Variants in MECOM observed in about 807,000 individuals in gnomAD.
MECOM encodes MDS1 and EVI1 complex locus.
Under a neutral mutation model 116.3 loss-of-function variants are expected in MECOM, and 13 were observed. The observed-to-expected ratio is 0.11, with a 90% CI of 0.07 to 0.18. MECOM has a LOEUF of 0.18. MECOM is among the 10% of genes least tolerant of loss of function. The probability of loss-of-function intolerance (pLI) is 1.00; values close to 1 mark genes in which losing one functional copy is unlikely to be tolerated. For missense variants in MECOM, 1,299 were observed against 1,509.0 expected, an observed-to-expected ratio of 0.86 and a Z score of 2.31; for synonymous variants, 528 against 535.2, an observed-to-expected ratio of 0.99 and a Z score of 0.19.
chr3:169,501,810 C>T (rs992191472), intron 1 of MECOM, among the ~76,000 whole-genome samples: 1 of 152,022 alleles, frequency 6.6e-6, no homozygotes, highest in African/African-American at 2.4e-5. Flanking sequence ...TGTTGGCTTC[C>T]AAAGCTATAC....
At chr3:169,453,460 G>T (rs931896377) in intron 1 of MECOM, among the ~76,000 whole-genome samples, 1 of 152,178 alleles carries the variant, frequency 6.6e-6, no homozygotes, top group Non-Finnish European at 1.5e-5. Flanking sequence ...CCTATCTCCC[G>T]CCACAGCCTT....
chr3:169,486,006 CTATA>C (rs200665668), intron 1 of MECOM, among the ~76,000 whole-genome samples: 10 of 108,546 alleles, frequency 9.2e-5, no homozygotes, highest in African/African-American at 2.8e-4. Context: ...TATATATATA[CTATA>C]TATATATGTA....
intron 2 of MECOM, among the ~76,000 whole-genome samples, chr3:169,175,040 T>C (rs886645915): frequency 9.9e-5 from 15 of 152,160 alleles, no homozygotes; most frequent in Non-Finnish European, 1.5e-4. Flanking sequence ...GAGTCTGAAA[T>C]TGGACAGAAC....
chr3:169,131,580 A>T, intron 3 of MECOM, 49 bp from the exon 4 acceptor site: 1 of 1,445,498 alleles, frequency 6.9e-7, no homozygotes. Context: ...AGAGAGATGT[A>T]TATATATTAA....
rs1457959202 is a variant in MECOM at position 169,378,465 on chromosome 3, GCAAGCAAGCAAGAA to G, written c.375+2708_375+2721del. On this transcript the variant is annotated intron_variant, in intron 2 of 16. Transcript: ENST00000651503. Reference sequence around the variant, plus strand: ...AGAAAGAAAGAAGGAAAGCAAGCAAGCAAGCAAGCAAGAAAGAGAGAGAGAAAGAAAGAAAGAAA... The same window carrying G: ...AGAAAGAAAGAAGGAAAGCAAGCAAGAGAGAGAGAGAAAGAAAGAAAGAAA... Among the ~76,000 whole-genome samples the G allele has an allele frequency of 3.2e-3, 200 of 62,224 alleles. 24 individuals are homozygous for G. Among genetic ancestry groups the G allele is most frequent in the African/African-American group, 0.019 (167 of 8,622 alleles). The allele number at this position is 62,224 out of a possible 152,430, so 40.8% of individuals were successfully genotyped here. A position where few individuals can be genotyped will look rare whatever the true frequency, so the allele number is the denominator to read the frequency against.
At chr3:169,653,978 T>C (rs186635775) in intron 1 of MECOM, among the ~76,000 whole-genome samples, 2 of 152,322 alleles carry the variant, frequency 1.3e-5, no homozygotes, top group Admixed American at 6.5e-5. Flanking sequence ...AGATTCAGCA[T>C]CAGGTATAAA....
Position 169,381,364 on chromosome 3 carries a change from G to A in MECOM, c.198C>T (p.Ala66=). Residue 66 remains alanine (A), a synonymous_variant, in exon 2 of 17, where the codon GCC becomes GCT. Transcript: ENST00000651503. Reference sequence around the variant, plus strand: ...GGATATCATCAGGGATGTAGATGGGGGCTTTGTAAGGAGAACCCTCCTTTG... The same window carrying A: ...GGATATCATCAGGGATGTAGATGGGAGCTTTGTAAGGAGAACCCTCCTTTG... ...FTPKEGSPYK[A]PIYIPDDIPI... is the part of the protein sequence containing the mutation. 2 of 1,613,860 alleles carry A rather than the reference G, an allele frequency of 1.2e-6. No individual in the cohort carries two copies. The highest frequency in any genetic ancestry group is 1.7e-6 in the Non-Finnish European group (2 of 1,179,814).
Position 169,115,463 on chromosome 3 carries a change from G to A in MECOM, c.2409C>T (p.Ser803=), listed in dbSNP as rs141957464. The change falls in exon 8 of 17, where the codon AGC becomes AGT. Residue 803 remains serine (S), a synonymous_variant. Coordinates refer to ENST00000651503, the MANE Select transcript of MECOM (RefSeq NM_004991.4). ...KNHVFGGKKG[S]NVESRPASDG... is the part of the protein sequence containing the mutation. ...CTGAAGCAGGTCTTGATTCGACGTT[G>A]CTTCCTTTTTTTCCCCCAAACACGT... is the stretch of plus-strand genomic sequence containing the variant. The A allele has an allele frequency of 2.5e-4, 399 of 1,614,022 alleles. 3 individuals are homozygous for A. The highest frequency in any genetic ancestry group is 1.8e-3 in the South Asian group (160 of 91,082).
intron 1 of MECOM, among the ~76,000 whole-genome samples, chr3:169,594,633 T>A (rs1188119428): frequency 6.6e-6 from 1 of 151,032 alleles, no homozygotes; most frequent in Non-Finnish European, 1.5e-5. Context: ...CTTGGGGAAA[T>A]GGGAAGAGGT....
At chr3:169,328,445 C>G (rs1442684559) in intron 2 of MECOM, among the ~76,000 whole-genome samples, 3 of 152,128 alleles carry the variant, frequency 2.0e-5, no homozygotes, top group Non-Finnish European at 4.4e-5. Context: ...ACCCAGAACT[C>G]CAGAGAAAGT....
chr3:169,115,301 T>C (rs2149070906), intron 8 of MECOM, 82 bp downstream of exon 8: 3 of 1,348,800 alleles, frequency 2.2e-6, no homozygotes, highest in Non-Finnish European at 3.0e-6. Context: ...AAAAATGATG[T>C]GTTAAAAAGC....
intron 1 of MECOM, among the ~76,000 whole-genome samples, chr3:169,450,114 G>A (rs963031584): frequency 3.9e-5 from 6 of 152,010 alleles, no homozygotes; most frequent in South Asian, 2.1e-4. Flanking sequence ...ATGGCATTAC[G>A]GACTTTAAAG....
At chr3:169,551,363 A>ATC (rs1361447254) in intron 1 of MECOM, among the ~76,000 whole-genome samples, 4 of 151,596 alleles carry the variant, frequency 2.6e-5, no homozygotes, top group African/African-American at 9.7e-5. Flanking sequence ...GAAAACAAAT[A>ATC]TCTACACTTT....
intron 16 of MECOM, among the ~76,000 whole-genome samples, chr3:169,088,432 G>A (rs1336630263): frequency 2.0e-5 from 3 of 152,068 alleles, no homozygotes; most frequent in African/African-American, 7.2e-5. Flanking sequence ...TCATTCATTT[G>A]TTGAATTTAA....
At chr3:169,476,543 A>G (rs913531939) in intron 1 of MECOM, among the ~76,000 whole-genome samples, 1 of 152,140 alleles carries the variant, frequency 6.6e-6, no homozygotes, top group Non-Finnish European at 1.5e-5. Context: ...TGGCCAAGAA[A>G]TTTACTGTGT....
At chr3:169,192,400 T>C (rs1433999310) in intron 2 of MECOM, among the ~76,000 whole-genome samples, 1 of 152,080 alleles carries the variant, frequency 6.6e-6, no homozygotes, top group Middle Eastern at 3.2e-3. Flanking sequence ...TGAGCAAGTT[T>C]TCTTAGCATT....
At chr3:169,618,791 C>T (rs566122659) in intron 1 of MECOM, among the ~76,000 whole-genome samples, 2 of 152,282 alleles carry the variant, frequency 1.3e-5, no homozygotes, top group Admixed American at 1.3e-4. Flanking sequence ...TTGCCTTTTG[C>T]TTCCCCACTG....
At chr3:169,132,053 T>G in intron 3 of MECOM, 1 of 896,844 alleles carries the variant, frequency 1.1e-6, no homozygotes, top group Non-Finnish European at 1.3e-6. Context: ...AGGAGAGTAT[T>G]TTGTTTTTCA....
intron 2 of MECOM, among the ~76,000 whole-genome samples, chr3:169,205,255 A>G (rs926574218): frequency 1.3e-5 from 2 of 152,208 alleles, no homozygotes; most frequent in Admixed American, 1.3e-4. Context: ...ACAGACTCTT[A>G]ACTATCGAGT....
Sources: gnomAD v4.1 joint callset for allele counts (sites outside exome capture counted in the v4.1 genomes callset) on GRCh38, gnomAD v4.1.1 for gene constraint, MANE v1.5 for transcripts, NCBI Gene and HGNC (gene_info 2026-07-23, HGNC 2026-07-21) for gene names.